RAPGEF2: variants seen among roughly 807,000 people sequenced by gnomAD.
The protein encoded by RAPGEF2 is Rap guanine nucleotide exchange factor 2.
A neutral mutation model predicts 186.7 loss-of-function variants in RAPGEF2; 54 were observed. The observed-to-expected ratio is 0.29, with a 90% CI of 0.23 to 0.36. The LOEUF is 0.36. Ranked by LOEUF, RAPGEF2 falls within the 10% of genes least tolerant of loss-of-function variation. The pLI is 1.00. For missense variants in RAPGEF2, 1,532 were observed against 2,045.0 expected (o/e 0.75, Z 4.84); for synonymous variants, 712 against 705.9 (o/e 1.01, Z -0.14).
At chr4:159,119,483 G>A (rs1290673436) in intron 1 of RAPGEF2, among the ~76,000 whole-genome samples, 1 of 152,166 alleles carries the variant, frequency 6.6e-6, no homozygotes, top group East Asian at 1.9e-4. Context: ...AGATTAATGG[G>A]TGCTGTGAGC....
chr4:159,352,499 A>G, intron 26 of RAPGEF2, 186 bp from the exon 27 acceptor site: 1 of 570,632 alleles, frequency 1.8e-6, no homozygotes, highest in Non-Finnish European at 3.1e-6. Context: ...CGATTAAACA[A>G]CTTAAGCTTC....
chr4:159,320,110 A>G (rs547092949), intron 9 of RAPGEF2, among the ~76,000 whole-genome samples: 3 of 152,320 alleles, frequency 2.0e-5, no homozygotes, highest in East Asian at 1.9e-4. Flanking sequence ...TGCATGGTCT[A>G]TAGGTAATAG....
chr4:159,193,153 GT>G, intron 2 of RAPGEF2, 46 bp from the exon 3 acceptor site: 6 of 1,246,678 alleles, frequency 4.8e-6, no homozygotes, highest in East Asian at 5.6e-5. Flanking sequence ...ATACCAGTCT[GT>G]TTTTTAGTGA....
intron 1 of RAPGEF2, among the ~76,000 whole-genome samples, chr4:159,179,647 A>G (rs1340359259): frequency 1.3e-5 from 2 of 152,160 alleles, no homozygotes; most frequent in African/African-American, 4.8e-5. Flanking sequence ...ATTTTAAGAA[A>G]AGCCAACAAC....
At chr4:159,133,129 T>C (rs1741292766) in intron 1 of RAPGEF2, among the ~76,000 whole-genome samples, 1 of 152,174 alleles carries the variant, frequency 6.6e-6, no homozygotes, top group African/African-American at 2.4e-5. Flanking sequence ...TAAAGTATAG[T>C]TTGGAAAGAT....
At position 159,359,548 on chromosome 4, in the gene RAPGEF2, G is replaced by A. The variant is rs1802982; in HGVS notation, c.*1409G>A. The stretch of plus-strand genomic sequence containing the variant: ...CTGCCAATCTGAGTAGTACTCAAAT[G>A]TGAGGAACTGCTGGTCTTGGATTTT... On this transcript the variant is annotated 3_prime_UTR_variant, in exon 30 of 30. Transcript: ENST00000691494. 2.0e-5 allele frequency: 3 copies of A among 152,318 alleles called. No individual in the cohort carries two copies. The highest frequency in any genetic ancestry group is 2.0e-4 in the Admixed American group (3 of 15,300). The allele number at this position is 152,318 out of a possible 1,614,324, so 9.4% of individuals were successfully genotyped here. A position where few individuals can be genotyped will look rare whatever the true frequency, so the allele number is the denominator to read the frequency against.
At chr4:159,168,316 A>G (rs1003214714) in intron 1 of RAPGEF2, among the ~76,000 whole-genome samples, 2 of 152,196 alleles carry the variant, frequency 1.3e-5, no homozygotes, top group Admixed American at 6.5e-5. Context: ...TACAATATTC[A>G]AAGGAATGTA....
At chr4:159,316,554 T>TA (rs1464741910) in intron 9 of RAPGEF2, among the ~76,000 whole-genome samples, 2 of 152,174 alleles carry the variant, frequency 1.3e-5, no homozygotes, top group African/African-American at 4.8e-5. Flanking sequence ...CACTTACAGG[T>TA]AAAAACATGT....
rs182718361 is a variant in RAPGEF2, at chr4:159,240,717, A to C, written c.358-484A>C. Among the ~76,000 whole-genome samples, 129 of 152,152 alleles carry C rather than the reference A, an allele frequency of 8.5e-4. 4 individuals are homozygous for C. In the East Asian group the frequency reaches 0.018, roughly 22 times the overall value. On this transcript the variant is annotated intron_variant, in intron 5 of 29. Transcript: ENST00000691494. ...GAAGTCATGGAATGAAAGTAGAAGG[A>C]GAAACCCTTGCGTAACCTACCAAAG... is the stretch of plus-strand genomic sequence containing the variant.
At chr4:159,107,526 G>A (rs961813920) in intron 1 of RAPGEF2, among the ~76,000 whole-genome samples, 4 of 152,220 alleles carry the variant, frequency 2.6e-5, no homozygotes, top group South Asian at 2.1e-4. Flanking sequence ...CTAATGTAAT[G>A]CATTTTTAGC....
intron 9 of RAPGEF2, among the ~76,000 whole-genome samples, chr4:159,316,083 ATC>A (rs1196166918): frequency 5.0e-4 from 76 of 152,280 alleles, no homozygotes; most frequent in East Asian, 2.1e-3. Context: ...GGCAACGGGC[ATC>A]TTCCCAGATG....
chr4:159,228,164 T>C (rs1411003844), intron 4 of RAPGEF2: 3 of 151,858 alleles, frequency 2.0e-5, no homozygotes, highest in Admixed American at 6.6e-5. Flanking sequence ...GAGAGGTGGG[T>C]GGGTCATTGA....
intron 7 of RAPGEF2, among the ~76,000 whole-genome samples, chr4:159,274,107 C>A (rs979178824): frequency 6.6e-6 from 1 of 152,180 alleles, no homozygotes; most frequent in Non-Finnish European, 1.5e-5. Flanking sequence ...TTTCTTTAAT[C>A]TGCCTCCAGA....
At chr4:159,108,926 C>T (rs1376942064) in intron 1 of RAPGEF2, among the ~76,000 whole-genome samples, 1 of 152,012 alleles carries the variant, frequency 6.6e-6, no homozygotes, top group African/African-American at 2.4e-5. Context: ...GCTTTGTTGC[C>T]TAGACTGGTC....
intron 4 of RAPGEF2, among the ~76,000 whole-genome samples, chr4:159,219,023 A>T (rs1751255363): frequency 6.6e-6 from 1 of 152,202 alleles, no homozygotes; most frequent in African/African-American, 2.4e-5. Context: ...TGATCTATGC[A>T]TATATGTATA....
intron 7 of RAPGEF2, among the ~76,000 whole-genome samples, chr4:159,248,782 A>G (rs1019853768): frequency 2.0e-5 from 3 of 152,242 alleles, no homozygotes; most frequent in African/African-American, 7.2e-5. Context: ...ATGATTTCTC[A>G]TGCTATTAAC....
chr4:159,350,094 G>C (rs1160201312), intron 25 of RAPGEF2, 43 bp from the exon 26 acceptor site: 1 of 1,347,300 alleles, frequency 7.4e-7, no homozygotes, highest in African/African-American at 1.5e-5. Context: ...TTTATTTTCA[G>C]ACTTGAAAAT....
rs34304252 is a variant in RAPGEF2, at chr4:159,250,665, C to CTTTTTT, written c.543+6890_543+6895dup. On this transcript the variant is annotated intron_variant, in intron 7 of 29. Coordinates refer to ENST00000691494, the MANE Select transcript of RAPGEF2 (RefSeq NM_001394067.2). ...CCTTTCACCAATTATTAGCACTCTT[C>CTTTTTT]TTTTTTTTTTTTTTTTTTTTTGGGA... is the stretch of plus-strand genomic sequence containing the variant. Among the ~76,000 whole-genome samples the CTTTTTT allele has an allele frequency of 2.6e-4, 32 of 123,020 alleles. 1 individual carries two copies. The highest frequency in any genetic ancestry group is 9.5e-4 in the African/African-American group (30 of 31,448). The allele number at this position is 123,020 out of a possible 152,430, so 80.7% of individuals were successfully genotyped here.
At chr4:159,294,059 G>A (rs1761599444) in intron 7 of RAPGEF2, among the ~76,000 whole-genome samples, 1 of 152,194 alleles carries the variant, frequency 6.6e-6, no homozygotes, top group African/African-American at 2.4e-5. Flanking sequence ...GCCAGTCTCA[G>A]CCATGCTACT....
Sources: allele counts gnomAD v4.1 joint callset (sites outside exome capture counted in the v4.1 genomes callset), GRCh38; gene constraint gnomAD v4.1.1; transcripts MANE v1.5; gene names NCBI Gene and HGNC (gene_info 2026-07-23, HGNC 2026-07-21).